The following MEG3 variants were observed in gnomAD, a reference collection of about 807,000 sequenced individuals.
The protein encoded by MEG3 is Very putative protein from MEG3 locus.
At chr14:100,851,354 C>T (rs1168934924) in intron 3 of MEG3, 2 of 152,332 alleles carry the variant, frequency 1.3e-5, no homozygotes, top group African/African-American at 4.8e-5. Context: ...GCAATAGGCC[C>T]TGGGTGGAGC....
At chr14:100,834,768 A>G (rs1465880603) in exon 1 of MEG3, 11 of 456,310 alleles carry the variant, frequency 2.4e-5, no homozygotes, top group Middle Eastern at 3.2e-4. Context: ...GAATGAAAGG[A>G]CTCGACCACC....
chr14:100,835,227 GTCTC>G (rs942323405), exon 1 of MEG3: 1 of 180,152 alleles, frequency 5.6e-6, no homozygotes, highest in Non-Finnish European at 1.2e-5. Context: ...CTGGCCCTGA[GTCTC>G]TCAGGACCAA....
At chr14:100,840,854 C>A (rs931369067) in intron 2 of MEG3, among the ~76,000 whole-genome samples, 1 of 152,134 alleles carries the variant, frequency 6.6e-6, no homozygotes, top group Admixed American at 6.5e-5. Context: ...GGAGGACAGT[C>A]GGGGGCCAAA....
chr14:100,845,621 C>T lies in MEG3; in HGVS notation n.3121+88C>T, dbSNP rs1210370219. ...CCGGAGCACACCGCCAGGCGGACCT[C>T]GTGGAGGGGCTGGCGGGCACTGGCC... On this transcript the variant is annotated intron_variant and non_coding_transcript_variant, in intron 3 of 3. Transcript: ENST00000398461. The surrounding 1 kb of genome is among the most constrained non-coding windows in gnomAD (Gnocchi z 5.2). 5 of 406,176 alleles carry T rather than the reference C, an allele frequency of 1.2e-5. No individual in the cohort carries two copies. Among genetic ancestry groups the T allele is most frequent in the Admixed American group, 2.7e-5 (1 of 37,130 alleles). 25.2% of individuals were successfully genotyped at this position (406,176 alleles called of 1,614,324 possible).
At chr14:100,827,527 G>A (rs1415439774) in intron 1 of MEG3, 2 of 152,424 alleles carry the variant, frequency 1.3e-5, no homozygotes, top group Admixed American at 6.5e-5. Context: ...GGCGCACAGA[G>A]GCACGTTAGT....
At chr14:100,830,969 G>A (rs1009732729), downstream of MEG3, 4 of 152,648 alleles carry the variant, frequency 2.6e-5, no homozygotes, top group Non-Finnish European at 5.9e-5. Flanking sequence ...GTCTTCCAGA[G>A]ACTGGCAGGA....
In MEG3 at chr14:100,845,806, T is replaced by C. The variant is rs1343024635; in HGVS notation, n.3121+273T>C. Reference sequence around the variant, plus strand: ...TCAAATGTCGGACCCCAAAAGAATTTCTTCTTTTTCACTCTTCTAAATGAA... The same window carrying C: ...TCAAATGTCGGACCCCAAAAGAATTCCTTCTTTTTCACTCTTCTAAATGAA... On this transcript the variant is annotated intron_variant and non_coding_transcript_variant, in intron 3 of 3. Transcript: ENST00000398461. This position sits in a 1 kb window ranked among gnomAD's most constrained non-coding sequence, Gnocchi z 5.2. 4.6e-6 allele frequency: 1 copy of C among 216,178 alleles called. No individual in the cohort carries two copies. Among genetic ancestry groups the C allele is most frequent in the Non-Finnish European group, 9.5e-6 (1 of 105,058 alleles). The allele number at this position is 216,178 out of a possible 1,614,324, so 13.4% of individuals were successfully genotyped here.
chr14:100,832,379 G>A (rs1287720066), downstream of MEG3: 1 of 152,030 alleles, frequency 6.6e-6, no homozygotes, highest in Non-Finnish European at 1.5e-5. Flanking sequence ...CTTTGCTGGT[G>A]ATTAAATCCT....
downstream of MEG3, chr14:100,829,798 G>A (rs1377021356): frequency 3.3e-5 from 5 of 152,184 alleles, no homozygotes; most frequent in Admixed American, 6.5e-5. Flanking sequence ...GTAAGAACAC[G>A]AATTATGCAT....
At chr14:100,848,880 G>A (rs2037991793) in intron 3 of MEG3, 1 of 152,104 alleles carries the variant, frequency 6.6e-6, no homozygotes, top group Non-Finnish European at 1.5e-5. Flanking sequence ...GAAAGAAAAG[G>A]CACTTCTTGG....
chr14:100,846,187 A>G (rs890363711), intron 3 of MEG3: 3 of 152,154 alleles, frequency 2.0e-5, no homozygotes, highest in Non-Finnish European at 4.4e-5. Flanking sequence ...TTAAAAATGA[A>G]CTCCATGTCC....
At chr14:100,855,050 C>T (rs1267797200), upstream of MEG3, 2 of 152,726 alleles carry the variant, frequency 1.3e-5, no homozygotes, top group Non-Finnish European at 2.9e-5. Context: ...GGAGGGCTCG[C>T]CCTTCTTTCC....
At chr14:100,834,549 T>C (rs990709784) in exon 1 of MEG3, 6 of 388,670 alleles carry the variant, frequency 1.5e-5, no homozygotes, top group South Asian at 1.2e-4. Context: ...CCTGGCTCCT[T>C]GAGTCCCTGC....
At chr14:100,844,660 G>T (rs753700622) in intron 2 of MEG3, among the ~76,000 whole-genome samples, 93 of 152,160 alleles carry the variant, frequency 6.1e-4, no homozygotes, top group South Asian at 1.2e-3. Flanking sequence ...ACATCATTAG[G>T]GCTCACTCTT....
chr14:100,828,426 T>C (rs1595253497), intron 1 of MEG3, among the ~76,000 whole-genome samples: 1 of 129,172 alleles, frequency 7.7e-6, no homozygotes, highest in African/African-American at 3.0e-5. Context: ...TTCTTCTCCC[T>C]CCTCCCTCTT....
Position 100,837,624 on chromosome 14 carries a change from C to T in MEG3, n.3045+1324C>T, listed in dbSNP as rs1035339225. 6.6e-6 allele frequency among the ~76,000 whole-genome samples: 1 copy of T among 152,086 alleles called. No individual in the cohort carries two copies. The highest frequency in any genetic ancestry group is 1.5e-5 in the Non-Finnish European group (1 of 68,004). On this transcript the variant is annotated intron_variant and non_coding_transcript_variant, in intron 2 of 3. Transcript: ENST00000398461. This position sits in a 1 kb window ranked among gnomAD's most constrained non-coding sequence, Gnocchi z 5.8. ...TGGGGCCCAGCCTCTAGTCCTCAGC[C>T]ATGTGCACGCATCAGCCCTTGTGCA...
At chr14:100,857,024 C>G (rs1234575218), upstream of MEG3, 1 of 152,144 alleles carries the variant, frequency 6.6e-6, no homozygotes, top group Admixed American at 6.5e-5. Context: ...GCTTACGTTT[C>G]TTTTCTGTTG....
upstream of MEG3, chr14:100,853,447 C>T (rs2038147489): frequency 6.6e-6 from 1 of 152,128 alleles, no homozygotes; most frequent in South Asian, 2.1e-4. Flanking sequence ...GAAATGCATG[C>T]ACCACTCAAC....
At chr14:100,827,731 T>C (rs1035652324) in intron 1 of MEG3, among the ~76,000 whole-genome samples, 1 of 152,022 alleles carries the variant, frequency 6.6e-6, no homozygotes, top group African/African-American at 2.4e-5. Context: ...GGGAGCGGCG[T>C]GGTGGCCCCC....
Sources: gnomAD v4.1 joint callset for allele counts (sites outside exome capture counted in the v4.1 genomes callset) on GRCh38, gnomAD v4.1.1 for gene constraint, Gnocchi (gnomAD v3.1) non-coding constraint, MANE v1.5 for transcripts, NCBI Gene and HGNC (gene_info 2026-07-23, HGNC 2026-07-21) for gene names.